The following PRMT9 variants were observed in gnomAD, a reference collection of about 807,000 sequenced individuals.
PRMT9 encodes protein arginine methyltransferase 9.
In PRMT9, 59 loss-of-function variants were observed where a neutral mutation model predicts 83.2. The observed-to-expected ratio is 0.71, with a 90% CI of 0.57 to 0.88. The LOEUF (loss-of-function observed/expected upper bound fraction) is 0.88, where lower values mean the gene tolerates loss of function less well. PRMT9 is among the 40% of genes least tolerant of loss of function. The probability of loss-of-function intolerance (pLI) is 0.00; values close to 1 mark genes in which losing one functional copy is unlikely to be tolerated. For missense variants in PRMT9, 947 were observed against 1,021.9 expected (o/e 0.93, Z 1.00); for synonymous variants, 333 against 353.2 (o/e 0.94, Z 0.64).
Position 147,668,614 on chromosome 4 carries a change from T to C in PRMT9, c.878A>G (p.Tyr293Cys). The C allele has an allele frequency of 6.2e-7, 1 of 1,611,802 alleles. No individual in the cohort carries two copies. Among genetic ancestry groups the C allele is most frequent in the South Asian group, 1.1e-5 (1 of 91,040 alleles). The change falls in exon 6 of 12, where the codon TAT becomes TGT. Residue 293 changes from tyrosine (Y) to cysteine (C), a missense_variant. Coordinates refer to ENST00000322396, the MANE Select transcript of PRMT9 (RefSeq NM_138364.4). The stretch of plus-strand genomic sequence containing the variant: ...AGCACTTGCTGGTATAACTTTCCCA[T>C]ACTTTTCACAATTAGCACTTTCACC... ...TKGESANCEK[Y>C]GKVIPASAVI...
At chr4:147,658,071 T>C in intron 7 of PRMT9, 96 bp from the exon 8 acceptor site, 4 of 846,246 alleles carry the variant, frequency 4.7e-6, no homozygotes, top group Non-Finnish European at 7.7e-6. Flanking sequence ...TTCTTAGTCC[T>C]GCCCAGCTCC....
chr4:147,660,368 T>C (rs1240672611), intron 7 of PRMT9, among the ~76,000 whole-genome samples: 1 of 152,186 alleles, frequency 6.6e-6, no homozygotes, highest in African/African-American at 2.4e-5. Context: ...GTGGCTCCTA[T>C]GCCTGTAATC....
At chr4:147,671,699 A>AC (rs1735744881) in intron 4 of PRMT9, among the ~76,000 whole-genome samples, 1 of 152,214 alleles carries the variant, frequency 6.6e-6, no homozygotes, top group African/African-American at 2.4e-5. Flanking sequence ...AGGTCTAGAC[A>AC]TTTGCTTAAG....
intron 9 of PRMT9, among the ~76,000 whole-genome samples, chr4:147,651,685 G>A (rs567377072): frequency 6.6e-6 from 1 of 152,120 alleles, no homozygotes; most frequent in Non-Finnish European, 1.5e-5. Context: ...GATGAACCTT[G>A]AAGACATTAT....
At chr4:147,638,816 T>A (rs1733183144) in intron 11 of PRMT9, 69 bp from the exon 12 acceptor site, 8 of 1,400,722 alleles carry the variant, frequency 5.7e-6, no homozygotes, top group Non-Finnish European at 7.9e-6. Context: ...CTCTTTTTAG[T>A]TACTTTTAAA....
intron 7 of PRMT9, among the ~76,000 whole-genome samples, chr4:147,660,019 G>A (rs1033761952): frequency 1.3e-5 from 2 of 152,170 alleles, no homozygotes; most frequent in Non-Finnish European, 2.9e-5. Context: ...TTCAGTCCTG[G>A]ACAAACCATG....
intron 2 of PRMT9, among the ~76,000 whole-genome samples, chr4:147,678,862 G>GT (rs1486662676): frequency 6.6e-6 from 1 of 152,118 alleles, no homozygotes; most frequent in African/African-American, 2.4e-5. Context: ...CTTGCACCTG[G>GT]TTTTCCTTTA....
At chr4:147,672,518 C>A (rs1735802896) in intron 4 of PRMT9, among the ~76,000 whole-genome samples, 1 of 152,146 alleles carries the variant, frequency 6.6e-6, no homozygotes, top group African/African-American at 2.4e-5. Context: ...TTTAAAGGGC[C>A]CATGCCAAAA....
chr4:147,646,718 C>G (rs773521674), intron 9 of PRMT9, among the ~76,000 whole-genome samples: 1 of 152,102 alleles, frequency 6.6e-6, no homozygotes, highest in Non-Finnish European at 1.5e-5. Context: ...TTCTCAGACA[C>G]CTTTTGAGTG....
chr4:147,650,840 T>TCAC (rs1560973719), intron 9 of PRMT9, among the ~76,000 whole-genome samples: 2 of 152,032 alleles, frequency 1.3e-5, no homozygotes, highest in Non-Finnish European at 2.9e-5. Flanking sequence ...CGGTGGCTCA[T>TCAC]GCCTGTAATC....
At chr4:147,652,837 T>C (rs1245121943) in intron 9 of PRMT9, among the ~76,000 whole-genome samples, 1 of 152,164 alleles carries the variant, frequency 6.6e-6, no homozygotes, top group African/African-American at 2.4e-5. Context: ...GGATTCTCCC[T>C]ATGAGCAAAT....
At chr4:147,646,966 C>T (rs1410857825) in intron 9 of PRMT9, among the ~76,000 whole-genome samples, 1 of 152,156 alleles carries the variant, frequency 6.6e-6, no homozygotes, top group African/African-American at 2.4e-5. Flanking sequence ...GGTAAGCTAA[C>T]TGTGGGAGAA....
At chr4:147,668,491 T>C in intron 6 of PRMT9, 48 bp downstream of exon 6, 1 of 1,103,240 alleles carries the variant, frequency 9.1e-7, no homozygotes, top group South Asian at 1.2e-5. Flanking sequence ...AATTACCCAA[T>C]CTTGGGAGGT....
intron 10 of PRMT9, among the ~76,000 whole-genome samples, chr4:147,639,960 T>C (rs1010914004): frequency 2.0e-5 from 3 of 151,422 alleles, no homozygotes; most frequent in South Asian, 4.2e-4. Flanking sequence ...TAGATTCTCA[T>C]GTCACCTCTT....
chr4:147,656,604 C>T (rs1307388711), intron 8 of PRMT9, among the ~76,000 whole-genome samples: 1 of 151,492 alleles, frequency 6.6e-6, no homozygotes, highest in East Asian at 1.9e-4. Context: ...AACCATGTCT[C>T]TACTAAAAAT....
At chr4:147,652,688 C>G (rs1293311917) in intron 9 of PRMT9, among the ~76,000 whole-genome samples, 7 of 148,960 alleles carry the variant, frequency 4.7e-5, no homozygotes, top group Non-Finnish European at 1.5e-5. Context: ...CCCACCAGAC[C>G]CCATTCTACC....
intron 2 of PRMT9, among the ~76,000 whole-genome samples, chr4:147,675,418 T>A: frequency 6.6e-6 from 1 of 152,340 alleles, no homozygotes; most frequent in Non-Finnish European, 1.5e-5. Context: ...AGGTGAAAAT[T>A]TCAATGTTTT....
Position 147,660,936 on chromosome 4 carries a change from A to G in PRMT9, c.1056T>C (p.Tyr352=), listed in dbSNP as rs1433549422. 3 of 1,613,040 alleles carry G rather than the reference A, an allele frequency of 1.9e-6. No individual in the cohort carries two copies. Among genetic ancestry groups the G allele is most frequent in the South Asian group, 1.1e-5 (1 of 91,062 alleles). The change falls in exon 7 of 12, where the codon TAT becomes TAC. Residue 352 remains tyrosine, a synonymous_variant. Transcript: ENST00000322396. ...GAACTCGACTCATCTTTTCAGTTGTATAAGGTTCAATTGTTTCTTCAGTAT... is the reference window on the plus strand; with the variant it reads ...GAACTCGACTCATCTTTTCAGTTGTGTAAGGTTCAATTGTTTCTTCAGTAT... ...SVDTEETIEP[Y]TTEKMSRVPG... is the part of the protein sequence containing the mutation.
In PRMT9 at chr4:147,657,868, A is replaced by C. The variant is rs781127580; in HGVS notation, c.1254T>G (p.Asp418Glu). 1.2e-6 allele frequency: 2 copies of C among 1,611,262 alleles called. No homozygotes were observed. Among genetic ancestry groups the C allele is most frequent in the Non-Finnish European group, 1.7e-6 (2 of 1,179,578 alleles). The change falls in exon 8 of 12, where the codon GAT becomes GAG. Residue 418 changes from aspartate (D) to glutamate (E), a missense_variant. Transcript: ENST00000322396. The part of the protein sequence containing the change: ...IMVWFVLQLD[D>E]EHSLSTSPSE... ...TAGGACTTGTGGATAAACTATGTTCATCATCAAGCTGGAGCACAAACCAAA... is the reference window on the plus strand; with the variant it reads ...TAGGACTTGTGGATAAACTATGTTCCTCATCAAGCTGGAGCACAAACCAAA...
Sources: gnomAD v4.1 joint callset for allele counts (sites outside exome capture counted in the v4.1 genomes callset) on GRCh38, gnomAD v4.1.1 for gene constraint, MANE v1.5 for transcripts, NCBI Gene and HGNC (gene_info 2026-07-23, HGNC 2026-07-21) for gene names.